Variants in FBLIM1 observed in about 807,000 individuals in gnomAD.
FBLIM1 encodes filamin-binding LIM protein 1.
Under a neutral mutation model 37.4 loss-of-function variants are expected in FBLIM1, and 29 were observed. That is an observed-to-expected ratio of 0.77 (90% CI 0.58 to 1.06). The LOEUF (loss-of-function observed/expected upper bound fraction) is 1.06. Among genes scored for constraint, FBLIM1 ranks in the 50% least tolerant of loss-of-function variants. The pLI, the probability that FBLIM1 is intolerant of heterozygous loss-of-function variation, is 0.00. For missense variants in FBLIM1, 449 were observed against 505.6 expected (o/e 0.89, Z 1.07); for synonymous variants, 193 against 199.0 (o/e 0.97, Z 0.25).
intron 4 of FBLIM1, 123 bp from the exon 5 acceptor site, chr1:15,768,405 T>C: frequency 1.7e-6 from 1 of 586,150 alleles, no homozygotes; most frequent in Non-Finnish European, 2.8e-6. Context: ...CTTGCTTCCC[T>C]GGGCCTTGGT....
chr1:15,758,945 G>C lies in FBLIM1; in HGVS notation c.-211+97G>C, dbSNP rs1180232307. The C allele has an allele frequency of 6.6e-6, 1 of 152,178 alleles. No individual in the cohort carries two copies. The highest frequency in any genetic ancestry group is 1.5e-5 in the Non-Finnish European group (1 of 68,088). The allele number at this position is 152,178 out of a possible 1,614,324, so 9.4% of individuals were successfully genotyped here. A position where few individuals can be genotyped will look rare whatever the true frequency, so the allele number is the denominator to read the frequency against. ...GCAGTGCTCGGCCGGAGCCTGCTCG[G>C]TCGCCAGCCGGGACCCCCGGCGCGG... On this transcript the variant is annotated intron_variant, in intron 1 of 8. Transcript: ENST00000375766. The surrounding 1 kb of genome is among the most constrained non-coding windows in gnomAD (Gnocchi z 6.2).
At chr1:15,769,080 A>C (rs558157969) in intron 5 of FBLIM1, among the ~76,000 whole-genome samples, 29 of 152,108 alleles carry the variant, frequency 1.9e-4, no homozygotes, top group Non-Finnish European at 4.0e-4. Context: ...ATATGTGTCC[A>C]CCTGCTCCCT....
At chr1:15,762,349 C>T (rs142696425) in intron 1 of FBLIM1, among the ~76,000 whole-genome samples, 241 of 151,178 alleles carry the variant, frequency 1.6e-3, no homozygotes, top group African/African-American at 5.7e-3. Flanking sequence ...CTGCAACCTC[C>T]GCCTCCCGGG....
At chr1:15,758,462 C>T (rs2148418071), upstream of FBLIM1, 1 of 152,212 alleles carries the variant, frequency 6.6e-6, no homozygotes, top group African/African-American at 2.4e-5. The surrounding 1 kb of genome is among the most constrained non-coding windows in gnomAD (Gnocchi z 6.2). Context: ...GAAGGAAACC[C>T]ACCCCGACTC....
intron 8 of FBLIM1, among the ~76,000 whole-genome samples, chr1:15,783,438 G>C (rs370769698): frequency 2.3e-4 from 35 of 151,980 alleles, no homozygotes; most frequent in Non-Finnish European, 4.9e-4. Context: ...ACTCCTCCCT[G>C]GACCTTGGTA....
At chr1:15,770,752 G>C (rs1037474325) in intron 6 of FBLIM1, among the ~76,000 whole-genome samples, 174 bp downstream of exon 6, 3 of 152,118 alleles carry the variant, frequency 2.0e-5, no homozygotes, top group Admixed American at 6.6e-5. Flanking sequence ...GGTTTCCTAG[G>C]GCTGCCTGTA....
At position 15,776,925 on chromosome 1, in the gene FBLIM1, G is replaced by T. The variant is rs899046214; in HGVS notation, c.891-245G>T. 1.1e-4 allele frequency: 49 copies of T among 463,146 alleles called. No individual in the cohort carries two copies. The South Asian group carries it at 1.6e-3, about 15-fold the overall frequency. 28.7% of individuals were successfully genotyped at this position (463,146 alleles called of 1,614,324 possible). A position where few individuals can be genotyped will look rare whatever the true frequency, so the allele number is the denominator to read the frequency against. On this transcript the variant is annotated intron_variant, in intron 7 of 8. Transcript: ENST00000375766. ...AAAACAAAAAAGACAGATGAGATGG[G>T]TCCCAGCCCCACTGAACACAGTTCT...
chr1:15,774,451 G>A (rs1179776179), intron 6 of FBLIM1, among the ~76,000 whole-genome samples, 167 bp from the exon 7 acceptor site: 2 of 152,242 alleles, frequency 1.3e-5, no homozygotes, highest in Non-Finnish European at 2.9e-5. Context: ...AGCTCAATTT[G>A]TTATAAGCAA....
chr1:15,782,353 A>G (rs2069664908), intron 8 of FBLIM1, among the ~76,000 whole-genome samples: 1 of 150,816 alleles, frequency 6.6e-6, no homozygotes, highest in Non-Finnish European at 1.5e-5. Flanking sequence ...GGCTGCAGTG[A>G]GCCATGATAA....
intron 6 of FBLIM1, among the ~76,000 whole-genome samples, chr1:15,771,805 C>A (rs1421789831): frequency 6.6e-6 from 1 of 151,722 alleles, no homozygotes; most frequent in Admixed American, 6.6e-5. Context: ...TCTTTGGGGG[C>A]ATCTCTTAGC....
intron 8 of FBLIM1, 147 bp from the exon 9 acceptor site, chr1:15,784,401 G>C: frequency 1.7e-6 from 1 of 598,884 alleles, no homozygotes. Flanking sequence ...GTGTTGGGAG[G>C]GCAGCAGTGA....
intron 1 of FBLIM1, among the ~76,000 whole-genome samples, chr1:15,762,500 ATCCAACCACCTTGCCC>A (rs2068722194): frequency 6.6e-6 from 1 of 151,846 alleles, no homozygotes; most frequent in Non-Finnish European, 1.5e-5. Flanking sequence ...TTACCTCGTG[ATCCAACCACCTTGCCC>A]TCCAAAAATG....
upstream of FBLIM1, chr1:15,758,528 C>T (rs960409714): frequency 2.0e-5 from 3 of 152,136 alleles, no homozygotes; most frequent in Admixed American, 1.3e-4. This position sits in a 1 kb window ranked among gnomAD's most constrained non-coding sequence, Gnocchi z 6.2. Context: ...CCCCCATCCC[C>T]ATTCCCCCCC....
At chr1:15,760,686 T>C (rs1224665399) in intron 1 of FBLIM1, among the ~76,000 whole-genome samples, 1 of 152,106 alleles carries the variant, frequency 6.6e-6, no homozygotes, top group Non-Finnish European at 1.5e-5. Context: ...CTGCAGCCTC[T>C]AGCTGGTCTG....
At chr1:15,782,415 A>C (rs2069667066) in intron 8 of FBLIM1, among the ~76,000 whole-genome samples, 2 of 151,774 alleles carry the variant, frequency 1.3e-5, no homozygotes, top group African/African-American at 4.8e-5. Flanking sequence ...CTTAAAAAAA[A>C]AAAAAAAAAG....
intron 8 of FBLIM1, among the ~76,000 whole-genome samples, chr1:15,780,246 T>G (rs886995770): frequency 6.6e-6 from 1 of 152,016 alleles, no homozygotes; most frequent in African/African-American, 2.4e-5. Flanking sequence ...TTACCCAAGC[T>G]GGAGTACAGT....
At chr1:15,771,003 G>A (rs1264530577) in intron 6 of FBLIM1, among the ~76,000 whole-genome samples, 1 of 151,924 alleles carries the variant, frequency 6.6e-6, no homozygotes, top group Non-Finnish European at 1.5e-5. Context: ...GCAGTGGCAC[G>A]ATGTCAGCTC....
At chr1:15,773,767 G>A (rs1003212803) in intron 6 of FBLIM1, among the ~76,000 whole-genome samples, 13 of 150,888 alleles carry the variant, frequency 8.6e-5, no homozygotes, top group African/African-American at 3.2e-4. Flanking sequence ...ATAATACTAC[G>A]ATATGTAAAA....
chr1:15,783,815 C>T (rs902675632), intron 8 of FBLIM1, among the ~76,000 whole-genome samples: 4 of 151,932 alleles, frequency 2.6e-5, no homozygotes, highest in African/African-American at 9.7e-5. Context: ...ATCTCCTGAC[C>T]CTGTGATCCG....
Sources: allele counts gnomAD v4.1 joint callset (sites outside exome capture counted in the v4.1 genomes callset), GRCh38; gene constraint gnomAD v4.1.1; non-coding constraint Gnocchi (gnomAD v3.1); transcripts MANE v1.5; gene names NCBI Gene and HGNC (gene_info 2026-07-23, HGNC 2026-07-21).